PALS1: variants seen among roughly 807,000 people sequenced by gnomAD.
PALS1 encodes the protein protein PALS1.
Under a neutral mutation model 78.9 loss-of-function variants are expected in PALS1, and 31 were observed. The ratio of observed to expected loss-of-function variants is 0.39; its 90% CI spans 0.30 to 0.53. The LOEUF (loss-of-function observed/expected upper bound fraction) is 0.53, where lower values mean the gene tolerates loss of function less well. PALS1 is among the 20% of genes least tolerant of loss of function. The probability of loss-of-function intolerance (pLI) is 0.67; values close to 1 mark genes in which losing one functional copy is unlikely to be tolerated. For missense variants in PALS1, 704 were observed against 826.5 expected, an observed-to-expected ratio of 0.85 and a Z score of 1.82; for synonymous variants, 276 against 270.9, an observed-to-expected ratio of 1.02 and a Z score of -0.18.
intron 2 of PALS1, among the ~76,000 whole-genome samples, chr14:67,276,252 A>G (rs2084502535): frequency 6.6e-6 from 1 of 152,032 alleles, no homozygotes; most frequent in Admixed American, 6.6e-5. Flanking sequence ...TTCCAGTTTT[A>G]TCATTATTCA....
At chr14:67,275,006 C>G (rs1221467256) in intron 2 of PALS1, among the ~76,000 whole-genome samples, 1 of 151,964 alleles carries the variant, frequency 6.6e-6, no homozygotes, top group South Asian at 2.1e-4. Context: ...TGCTTATCAG[C>G]TTGAGATTTT....
chr14:67,308,140 T>C (rs978239361), intron 8 of PALS1, among the ~76,000 whole-genome samples: 1 of 151,760 alleles, frequency 6.6e-6, no homozygotes, highest in Non-Finnish European at 1.5e-5. Context: ...CTAGGCTTAA[T>C]ACCTGGGTGA....
Position 67,333,078 on chromosome 14 carries a change from T to TTAGATCTTGATCTTAGATCAAGA in PALS1, c.*122_*123insTAGATCTTGATCTTAGATCAAGA, listed in dbSNP as rs1034264684. On this transcript the variant is annotated 3_prime_UTR_variant, in exon 15 of 15. Transcript: ENST00000261681. ...AAGGCAGCAGTATAAGCTGTAGATC[T>TTAGATCTTGATCTTAGATCAAGA]GTTCTTAGATCTCTTGAATTAGTGA... 2 of 815,048 alleles carry TTAGATCTTGATCTTAGATCAAGA rather than the reference T, an allele frequency of 2.5e-6. No individual in the cohort carries two copies. The highest frequency in any genetic ancestry group is 3.8e-6 in the Non-Finnish European group (2 of 531,404). 50.5% of individuals were successfully genotyped at this position (815,048 alleles called of 1,614,324 possible).
At chr14:67,298,794 A>G (rs1012122671) in intron 4 of PALS1, among the ~76,000 whole-genome samples, 6 of 152,306 alleles carry the variant, frequency 3.9e-5, no homozygotes, top group African/African-American at 1.4e-4. Context: ...CACTCCACAG[A>G]GCTTCTCTCC....
intron 1 of PALS1, among the ~76,000 whole-genome samples, chr14:67,265,786 G>A (rs2084313306): frequency 6.6e-6 from 1 of 151,376 alleles, no homozygotes; most frequent in Admixed American, 6.6e-5. Context: ...GAACCCGGGA[G>A]GTGGCAGTTG....
At chr14:67,289,062 G>A (rs1377463427) in intron 3 of PALS1, among the ~76,000 whole-genome samples, 1 of 149,354 alleles carries the variant, frequency 6.7e-6, no homozygotes, top group Non-Finnish European at 1.5e-5. Context: ...CGCCACCCAG[G>A]TTCAAGTGAT....
chr14:67,286,886 T>G (rs964450821), intron 3 of PALS1, among the ~76,000 whole-genome samples: 2 of 148,476 alleles, frequency 1.3e-5, no homozygotes, highest in African/African-American at 5.0e-5. Context: ...AAAAAAACTG[T>G]TCTTGAATAA....
At chr14:67,326,027 G>C (rs1354529828) in intron 14 of PALS1, among the ~76,000 whole-genome samples, 26 of 125,684 alleles carry the variant, frequency 2.1e-4, no homozygotes, top group African/African-American at 8.4e-4. Context: ...GGGTTTCACC[G>C]TGTTAGCCAG....
intron 8 of PALS1, among the ~76,000 whole-genome samples, chr14:67,303,852 A>G (rs2084963113): frequency 6.6e-6 from 1 of 151,824 alleles, no homozygotes; most frequent in South Asian, 2.1e-4. Context: ...ACTGCAACCT[A>G]TGCCTTCCAG....
At chr14:67,303,181 T>C (rs968957819) in intron 7 of PALS1, among the ~76,000 whole-genome samples, 1 of 152,216 alleles carries the variant, frequency 6.6e-6, no homozygotes, top group Admixed American at 6.5e-5. Context: ...TATTGGATAG[T>C]GCTAGTATAA....
At chr14:67,317,269 C>A in intron 10 of PALS1, 139 bp from the exon 11 acceptor site, 1 of 669,640 alleles carries the variant, frequency 1.5e-6, no homozygotes, top group Non-Finnish European at 2.5e-6. Context: ...TCAAGACAAG[C>A]GTGGCCAACA....
chr14:67,310,131 T>G (rs752502522), intron 8 of PALS1, among the ~76,000 whole-genome samples: 5 of 152,138 alleles, frequency 3.3e-5, no homozygotes, highest in African/African-American at 4.8e-5. Context: ...ATGCCAAGAT[T>G]ATAAATTTGT....
rs1045058856 is a variant in PALS1 at position 67,267,280 on chromosome 14, C to T, written c.-236-2421C>T. ...TTTATTTATTTATTTTTTAATGAGA[C>T]GGAATTTCACTCTTGTCGCCCAGGC... On this transcript the variant is annotated intron_variant, in intron 1 of 14. Transcript: ENST00000261681. Among the ~76,000 whole-genome samples, 20 of 151,980 alleles carry T rather than the reference C, an allele frequency of 1.3e-4. 2 individuals are homozygous for T. Among genetic ancestry groups the T allele is most frequent in the African/African-American group, 4.8e-4 (20 of 41,454 alleles).
At chr14:67,258,942 A>C (rs1035054944) in intron 1 of PALS1, among the ~76,000 whole-genome samples, 16 of 152,094 alleles carry the variant, frequency 1.1e-4, no homozygotes, top group African/African-American at 3.4e-4. Flanking sequence ...TCCCGGGTTC[A>C]AGTGATTTTC....
chr14:67,299,920 T>C (rs1595597105), intron 4 of PALS1, among the ~76,000 whole-genome samples: 1 of 152,224 alleles, frequency 6.6e-6, no homozygotes. Flanking sequence ...TCAAAAGGTG[T>C]ATGATCAAGA....
intron 1 of PALS1, among the ~76,000 whole-genome samples, chr14:67,245,657 T>C (rs916999789): frequency 6.6e-6 from 1 of 152,180 alleles, no homozygotes; most frequent in Non-Finnish European, 1.5e-5. Context: ...AAAAGTTTTA[T>C]ATAGTCCTTT....
chr14:67,276,972 T>G (rs539010192), intron 2 of PALS1, among the ~76,000 whole-genome samples: 1 of 152,318 alleles, frequency 6.6e-6, no homozygotes, highest in South Asian at 2.1e-4. Context: ...TAAATTTGAT[T>G]TTTAATATCC....
chr14:67,242,802 C>T (rs1356252743), intron 1 of PALS1, among the ~76,000 whole-genome samples: 1 of 152,018 alleles, frequency 6.6e-6, no homozygotes, highest in Non-Finnish European at 1.5e-5. Context: ...TAAATTTTAC[C>T]ATGTACCTGA....
At position 67,301,475 on chromosome 14, in the gene PALS1, T is replaced by G. The variant is rs1256700501; in HGVS notation, c.654+9T>G. On this transcript the variant is annotated intron_variant, in intron 5 of 14. Transcript: ENST00000261681. The stretch of plus-strand genomic sequence containing the variant: ...ATACTCCACATATTCAGGTAGAAAA[T>G]GGACAGAATACTATATATGTGGTTT... 2 of 1,595,848 alleles carry G rather than the reference T, an allele frequency of 1.3e-6. No individual in the cohort carries two copies. The highest frequency in any genetic ancestry group is 1.7e-6 in the Non-Finnish European group (2 of 1,165,638).
Sources: gnomAD v4.1 joint callset for allele counts (sites outside exome capture counted in the v4.1 genomes callset) on GRCh38, gnomAD v4.1.1 for gene constraint, MANE v1.5 for transcripts, NCBI Gene and HGNC (gene_info 2026-07-23, HGNC 2026-07-21) for gene names.